The following STPG2 variants were observed in gnomAD, a reference collection of about 807,000 sequenced individuals.
The protein encoded by STPG2 is sperm-tail PG-rich repeat-containing protein 2.
A neutral mutation model predicts 54.2 loss-of-function variants in STPG2; 56 were observed. The ratio of observed to expected loss-of-function variants is 1.03; its 90% CI spans 0.83 to 1.29. The LOEUF is 1.29. STPG2 is among the 50% of genes most tolerant of loss of function. The pLI is 0.00. For missense variants in STPG2, 596 were observed against 544.9 expected, an observed-to-expected ratio of 1.09 and a Z score of -0.93; for synonymous variants, 200 against 181.8, an observed-to-expected ratio of 1.10 and a Z score of -0.81.
intron 5 of STPG2, among the ~76,000 whole-genome samples, chr4:98,064,064 T>C (rs1414419499): frequency 2.0e-5 from 3 of 152,044 alleles, no homozygotes; most frequent in South Asian, 2.1e-4. Flanking sequence ...TATAAAGCTA[T>C]GCTAATAAAA....
At chr4:97,654,670 T>G (rs149233307) in intron 10 of STPG2, among the ~76,000 whole-genome samples, 83 of 152,220 alleles carry the variant, frequency 5.5e-4, no homozygotes, top group African/African-American at 2.0e-3. Flanking sequence ...GTCTACTTTA[T>G]TCACTGCCAC....
At chr4:98,099,054 T>C (rs1738944451) in intron 5 of STPG2, among the ~76,000 whole-genome samples, 1 of 151,436 alleles carries the variant, frequency 6.6e-6, no homozygotes, top group African/African-American at 2.4e-5. Context: ...GTTTAGAGGT[T>C]CCTCAAAAAA....
intron 4 of STPG2, among the ~76,000 whole-genome samples, chr4:97,471,574 C>G (rs1233713344): frequency 6.6e-6 from 1 of 152,062 alleles, no homozygotes; most frequent in East Asian, 1.9e-4. Context: ...CATAGATATT[C>G]TGAGAAGGTG....
intron 8 of STPG2, among the ~76,000 whole-genome samples, chr4:97,887,809 C>T (rs1730633353): frequency 6.6e-6 from 1 of 152,294 alleles, no homozygotes; most frequent in Admixed American, 6.5e-5. Context: ...GGCAGCCCAT[C>T]CCATCACAGG....
At chr4:98,073,598 G>C (rs1055272496) in intron 5 of STPG2, among the ~76,000 whole-genome samples, 2 of 151,990 alleles carry the variant, frequency 1.3e-5, no homozygotes. Context: ...GTGGTGGCAG[G>C]CACCTGTAGT....
intron 4 of STPG2, among the ~76,000 whole-genome samples, chr4:97,521,533 C>T (rs554801803): frequency 5.9e-5 from 9 of 151,946 alleles, no homozygotes; most frequent in Non-Finnish European, 1.2e-4. Flanking sequence ...GTACTTTAGA[C>T]AAGATGACGC....
At chr4:97,633,386 A>T (rs1378312368) in intron 10 of STPG2, 1 of 152,198 alleles carries the variant, frequency 6.6e-6, no homozygotes, top group Non-Finnish European at 1.5e-5. Context: ...GGGAAAAATG[A>T]AAACATACTC....
chr4:97,529,101 AT>A (rs1731355240), intron 4 of STPG2, among the ~76,000 whole-genome samples: 1 of 152,188 alleles, frequency 6.6e-6, no homozygotes, highest in Non-Finnish European at 1.5e-5. Flanking sequence ...CCCATTCAGT[AT>A]GATATTGGCT....
In STPG2 at chr4:97,711,278, C is replaced by T. The variant is rs1430130660; in HGVS notation, c.1320+1421G>A. 2.0e-5 allele frequency among the ~76,000 whole-genome samples: 3 copies of T among 152,088 alleles called. No individual in the cohort carries two copies. The East Asian group carries it at 5.8e-4, about 29-fold the overall frequency. ...AGTACCCAACTTATCAAGACCAATA[C>T]CTTATTAATCAATACTTAAAGACCT... On this transcript the variant is annotated intron_variant, in intron 10 of 10. Coordinates refer to ENST00000295268, the MANE Select transcript of STPG2 (RefSeq NM_174952.3).
chr4:97,759,575 A>C (rs556723134), intron 9 of STPG2, among the ~76,000 whole-genome samples: 15 of 152,170 alleles, frequency 9.9e-5, no homozygotes, highest in Admixed American at 1.3e-4. Flanking sequence ...CAAGGTCAGG[A>C]AGTAAGGGGT....
chr4:97,934,554 A>T (rs762220373), intron 8 of STPG2, among the ~76,000 whole-genome samples: 5 of 152,138 alleles, frequency 3.3e-5, no homozygotes, highest in Non-Finnish European at 7.4e-5. Context: ...TAGTTTATTG[A>T]GGGTTTTTAA....
chr4:98,097,714 T>C (rs934035852), intron 5 of STPG2, among the ~76,000 whole-genome samples: 1 of 152,146 alleles, frequency 6.6e-6, no homozygotes, highest in Non-Finnish European at 1.5e-5. Context: ...TGATCTTATA[T>C]TCTGGAAAAC....
chr4:97,939,874 T>A (rs2149227961), intron 8 of STPG2, among the ~76,000 whole-genome samples: 2 of 152,334 alleles, frequency 1.3e-5, no homozygotes, highest in South Asian at 4.1e-4. Context: ...GTTGGCTTGT[T>A]CATGTGGTTA....
chr4:97,821,253 C>A (rs188658641), intron 9 of STPG2, among the ~76,000 whole-genome samples: 1 of 152,174 alleles, frequency 6.6e-6, no homozygotes. Context: ...GCAGGACAGT[C>A]ATAAAATCTT....
intron 8 of STPG2, among the ~76,000 whole-genome samples, chr4:97,937,278 T>G (rs992578413): frequency 6.6e-6 from 1 of 152,076 alleles, no homozygotes; most frequent in Non-Finnish European, 1.5e-5. Context: ...GCAGCTCCTG[T>G]TACCTTTTAT....
chr4:97,651,330 T>C (rs1235979433), intron 10 of STPG2, among the ~76,000 whole-genome samples: 1 of 152,118 alleles, frequency 6.6e-6, no homozygotes, highest in African/African-American at 2.4e-5. Flanking sequence ...TGAAAAAGAT[T>C]ATGACAAATG....
chr4:97,712,932 A>C (rs1724171662), intron 9 of STPG2, 118 bp from the exon 10 acceptor site: 1 of 591,598 alleles, frequency 1.7e-6, no homozygotes, highest in Admixed American at 3.8e-5. Flanking sequence ...ACAATCTTGA[A>C]CCCATTGTTT....
intron 5 of STPG2, among the ~76,000 whole-genome samples, chr4:98,022,422 G>A (rs1048423368): frequency 1.1e-4 from 17 of 152,158 alleles, no homozygotes; most frequent in African/African-American, 2.9e-4. Context: ...TGTGGGTAAC[G>A]TGACCTTTCT....
intron 9 of STPG2, among the ~76,000 whole-genome samples, chr4:97,742,685 T>C (rs887606029): frequency 6.6e-6 from 1 of 151,294 alleles, no homozygotes; most frequent in Admixed American, 6.6e-5. Flanking sequence ...AAGCAAATAC[T>C]GCATGATTTT....
Sources: allele counts gnomAD v4.1 joint callset (sites outside exome capture counted in the v4.1 genomes callset), GRCh38; gene constraint gnomAD v4.1.1; transcripts MANE v1.5; gene names NCBI Gene and HGNC (gene_info 2026-07-23, HGNC 2026-07-21).